The following RUNDC3B variants were observed in gnomAD, a reference collection of about 807,000 sequenced individuals.
RUNDC3B encodes the protein RUN domain-containing protein 3B.
RUNDC3B carries 33 observed loss-of-function variants against 58.4 expected under a neutral mutation model. The ratio of observed to expected loss-of-function variants is 0.56; its 90% CI spans 0.43 to 0.75. The LOEUF (loss-of-function observed/expected upper bound fraction) is 0.75, where lower values mean the gene tolerates loss of function less well. Ranked by LOEUF, RUNDC3B falls within the 30% of genes least tolerant of loss-of-function variation. RUNDC3B has a pLI of 0.00. For synonymous variants in RUNDC3B, 193 were observed against 195.2 expected (o/e 0.99, Z 0.10); for missense variants, 501 against 535.7 (o/e 0.94, Z 0.64).
chr7:87,813,604 C>CA (rs1041590369), intron 9 of RUNDC3B, among the ~76,000 whole-genome samples: 30 of 151,470 alleles, frequency 2.0e-4, no homozygotes, highest in Admixed American at 5.3e-4. Context: ...CTATTGGGCA[C>CA]AAAAAAAATA....
chr7:87,678,308 T>A (rs1235425132), intron 2 of RUNDC3B, among the ~76,000 whole-genome samples: 1 of 152,140 alleles, frequency 6.6e-6, no homozygotes, highest in East Asian at 1.9e-4. Context: ...GGTTTCCAGG[T>A]TTGCATGTAT....
At position 87,770,746 on chromosome 7, in the gene RUNDC3B, G is replaced by A. The variant is rs747762555; in HGVS notation, c.795G>A (p.Gln265=). The A allele has an allele frequency of 1.2e-6, 2 of 1,600,790 alleles. No homozygotes were observed. The highest frequency in any genetic ancestry group is 1.7e-5 in the Admixed American group (1 of 57,388). ...VKQKYQLTLE[Q]KGYLEELLRL... is the part of the protein sequence containing the mutation. ...AAAAGTATCAGCTTACCCTGGAACA[G>A]AAGGTATTTTAAAATTATCAAAACG... The change falls in exon 7 of 11, where the codon CAG becomes CAA. Residue 265 remains glutamine, a synonymous_variant. Transcript: ENST00000394654.
At chr7:87,677,693 A>G (rs1456324974) in intron 2 of RUNDC3B, among the ~76,000 whole-genome samples, 1 of 152,206 alleles carries the variant, frequency 6.6e-6, no homozygotes, top group Non-Finnish European at 1.5e-5. Context: ...CAAAAAACCC[A>G]ACAAAACCTC....
At chr7:87,639,486 T>C (rs1822210996) in intron 1 of RUNDC3B, among the ~76,000 whole-genome samples, 1 of 152,216 alleles carries the variant, frequency 6.6e-6, no homozygotes, top group African/African-American at 2.4e-5. Context: ...GAGAGAGATG[T>C]GTTAAAGTCT....
intron 4 of RUNDC3B, among the ~76,000 whole-genome samples, chr7:87,722,396 A>G (rs904035940): frequency 9.9e-5 from 15 of 152,014 alleles, no homozygotes; most frequent in Non-Finnish European, 5.9e-5. Context: ...TCTGGTCTCT[A>G]CTTTTATAAG....
At chr7:87,644,280 C>T (rs181043243) in intron 1 of RUNDC3B, among the ~76,000 whole-genome samples, 1 of 152,292 alleles carries the variant, frequency 6.6e-6, no homozygotes, top group Non-Finnish European at 1.5e-5. Context: ...ATAGTCACTG[C>T]TTATATTATG....
chr7:87,787,572 A>G (rs1835289513), intron 8 of RUNDC3B, among the ~76,000 whole-genome samples: 1 of 152,164 alleles, frequency 6.6e-6, no homozygotes, highest in African/African-American at 2.4e-5. Context: ...TACATTTTGT[A>G]GTTTGGGCAA....
At chr7:87,826,793 C>A (rs540941020) in intron 10 of RUNDC3B, among the ~76,000 whole-genome samples, 1 of 152,052 alleles carries the variant, frequency 6.6e-6, no homozygotes, top group Non-Finnish European at 1.5e-5. Context: ...ACCTACAAGA[C>A]AAATTCTACT....
At chr7:87,643,503 G>C (rs1183643494) in intron 1 of RUNDC3B, among the ~76,000 whole-genome samples, 1 of 152,118 alleles carries the variant, frequency 6.6e-6, no homozygotes. Flanking sequence ...AAATACACAT[G>C]ATGTTTGAGA....
intron 9 of RUNDC3B, among the ~76,000 whole-genome samples, chr7:87,813,306 C>T (rs1836825418): frequency 6.6e-6 from 1 of 152,160 alleles, no homozygotes; most frequent in African/African-American, 2.4e-5. Context: ...ACGCAGAAAG[C>T]TCATTTCATG....
intron 3 of RUNDC3B, among the ~76,000 whole-genome samples, chr7:87,710,268 T>C (rs1000884832): frequency 2.0e-5 from 3 of 152,198 alleles, no homozygotes; most frequent in Non-Finnish European, 4.4e-5. Context: ...TTATATCTTA[T>C]ATAATTACAT....
chr7:87,773,815 C>T (rs1279377715), intron 7 of RUNDC3B, among the ~76,000 whole-genome samples: 2 of 151,960 alleles, frequency 1.3e-5, no homozygotes, highest in Non-Finnish European at 2.9e-5. Flanking sequence ...GTACCTAGGA[C>T]TACAGGCATG....
rs561232219 is a variant in RUNDC3B, at chr7:87,631,865, T to C, written c.122+2920T>C. ...CATTTTTGTTGTCTGTAAAATAATA[T>C]TGGACTAGATCATTGTTAACCTTCA... On this transcript the variant is annotated intron_variant, in intron 1 of 10. Coordinates refer to ENST00000394654, the MANE Select transcript of RUNDC3B (RefSeq NM_001134405.2). 4.6e-5 allele frequency among the ~76,000 whole-genome samples: 7 copies of C among 152,280 alleles called. No homozygotes were observed. In the South Asian group the frequency reaches 1.5e-3, roughly 32 times the overall value.
chr7:87,632,674 A>G (rs934060243), intron 1 of RUNDC3B, among the ~76,000 whole-genome samples: 11 of 152,132 alleles, frequency 7.2e-5, no homozygotes, highest in Admixed American at 6.5e-4. Flanking sequence ...TTGCATTTTT[A>G]TCCATAGATA....
intron 6 of RUNDC3B, among the ~76,000 whole-genome samples, chr7:87,752,947 A>G (rs2130836475): frequency 6.6e-6 from 1 of 150,752 alleles, no homozygotes; most frequent in Non-Finnish European, 1.5e-5. Context: ...TTGCTTTTCT[A>G]GTTCTTTTAA....
chr7:87,785,786 T>C (rs184144699), intron 8 of RUNDC3B, among the ~76,000 whole-genome samples: 1 of 152,194 alleles, frequency 6.6e-6, no homozygotes, highest in Non-Finnish European at 1.5e-5. Context: ...GCTGTAGCTG[T>C]CTCATGTTCC....
chr7:87,749,139 T>A (rs1832815367), intron 6 of RUNDC3B, among the ~76,000 whole-genome samples: 6 of 152,180 alleles, frequency 3.9e-5, no homozygotes, highest in Admixed American at 2.0e-4. Context: ...GTAATCAATA[T>A]GTAGGTAGTA....
intron 9 of RUNDC3B, among the ~76,000 whole-genome samples, chr7:87,812,060 C>T (rs1836749107): frequency 6.6e-6 from 1 of 152,072 alleles, no homozygotes; most frequent in African/African-American, 2.4e-5. Flanking sequence ...TATTATTAAC[C>T]TTAACACAAT....
chr7:87,717,258 C>T (rs1436304579), intron 4 of RUNDC3B, among the ~76,000 whole-genome samples: 1 of 151,670 alleles, frequency 6.6e-6, no homozygotes, highest in African/African-American at 2.4e-5. Flanking sequence ...GTTTTATAGC[C>T]CTAAACCCTT....
Sources: gnomAD v4.1 joint callset for allele counts (sites outside exome capture counted in the v4.1 genomes callset) on GRCh38, gnomAD v4.1.1 for gene constraint, MANE v1.5 for transcripts, NCBI Gene and HGNC (gene_info 2026-07-23, HGNC 2026-07-21) for gene names.